KIAA1217: variants seen among roughly 807,000 people sequenced by gnomAD.
The protein encoded by KIAA1217 is KIAA1217, also known as sickle tail protein homolog.
KIAA1217 carries 88 observed loss-of-function variants against 163.9 expected under a neutral mutation model. The ratio of observed to expected loss-of-function variants is 0.54; its 90% CI spans 0.45 to 0.64. The LOEUF (loss-of-function observed/expected upper bound fraction) is 0.64, where lower values mean the gene tolerates loss of function less well. Ranked by LOEUF, KIAA1217 falls within the 30% of genes least tolerant of loss-of-function variation. The pLI is 0.00. For missense variants in KIAA1217, 2,372 were observed against 2,475.0 expected, an observed-to-expected ratio of 0.96 and a Z score of 0.88; for synonymous variants, 903 against 923.1, an observed-to-expected ratio of 0.98 and a Z score of 0.39.
chr10:24,287,040 G>A (rs1304225443), intron 2 of KIAA1217, among the ~76,000 whole-genome samples: 1 of 152,020 alleles, frequency 6.6e-6, no homozygotes, highest in African/African-American at 2.4e-5. Context: ...GTTCTCACTT[G>A]TTTTTTGTTT....
chr10:24,135,238 G>A (rs1388259110), intron 2 of KIAA1217, among the ~76,000 whole-genome samples: 2 of 152,216 alleles, frequency 1.3e-5, no homozygotes, highest in African/African-American at 4.8e-5. Context: ...CACCAGTGAT[G>A]GTCCCCGTCT....
intron 2 of KIAA1217, among the ~76,000 whole-genome samples, chr10:24,314,233 C>T (rs2043072248): frequency 6.6e-6 from 1 of 152,196 alleles, no homozygotes; most frequent in African/African-American, 2.4e-5. Context: ...GCTCTGTTTA[C>T]ATATTACAAA....
intron 2 of KIAA1217, among the ~76,000 whole-genome samples, chr10:24,081,280 G>C (rs2061529442): frequency 6.6e-6 from 1 of 152,188 alleles, no homozygotes; most frequent in African/African-American, 2.4e-5. Flanking sequence ...TATGAATAGA[G>C]ATGTCTTAAA....
chr10:24,265,836 G>A (rs1002882051), intron 2 of KIAA1217, among the ~76,000 whole-genome samples: 2 of 152,122 alleles, frequency 1.3e-5, no homozygotes, highest in Non-Finnish European at 2.9e-5. Context: ...AGTAAGAAAA[G>A]ATAAGGAATG....
chr10:23,796,340 C>CTTATTTAT (rs34347212), intron 1 of KIAA1217, among the ~76,000 whole-genome samples: 29,086 of 148,354 alleles, frequency 0.2, 3,106 homozygotes, highest in African/African-American at 0.24. Flanking sequence ...CGAGAGACTG[C>CTTATTTAT]TTATTTATTT....
intron 2 of KIAA1217, among the ~76,000 whole-genome samples, chr10:24,230,982 A>T (rs2071328003): frequency 6.6e-6 from 1 of 152,156 alleles, no homozygotes; most frequent in African/African-American, 2.4e-5. Flanking sequence ...CACCTCTCTG[A>T]TGGGGGATGA....
chr10:24,062,904 T>G (rs2060786563), intron 2 of KIAA1217, among the ~76,000 whole-genome samples: 1 of 134,978 alleles, frequency 7.4e-6, no homozygotes, highest in Non-Finnish European at 1.5e-5. Context: ...GATGAGCATT[T>G]TTTCATGTGT....
At chr10:24,013,933 T>C (rs1205812123) in intron 2 of KIAA1217, among the ~76,000 whole-genome samples, 1 of 152,148 alleles carries the variant, frequency 6.6e-6, no homozygotes, top group Non-Finnish European at 1.5e-5. Context: ...GACAGTGCTC[T>C]TAATTGTGGG....
At chr10:24,501,073 A>G (rs1025627938) in intron 8 of KIAA1217, among the ~76,000 whole-genome samples, 5 of 114,274 alleles carry the variant, frequency 4.4e-5, no homozygotes, top group Non-Finnish European at 8.9e-5. Context: ...TAAGAAAAGA[A>G]AAAAAAATTA....
In KIAA1217 at chr10:24,524,353, G is replaced by C. The variant is rs2297329; in HGVS notation, c.2487G>C (p.Thr829=). ...TCACTGATGGGCTCCTGAAAGGCACGGACGCAGCCCAAGCCGCACAGTACA... is the reference window on the plus strand; with the variant it reads ...TCACTGATGGGCTCCTGAAAGGCACCGACGCAGCCCAAGCCGCACAGTACA... ...RHVTDGLLKG[T]DAAQAAQYMA... is the part of the protein sequence containing the mutation. The change falls in exon 13 of 21, where the codon ACG becomes ACC. Residue 829 remains threonine, a synonymous_variant. Transcript: ENST00000376454. 0.054 allele frequency: 87,349 copies of C among 1,612,050 alleles called. 4,202 individuals are homozygous for C. Among genetic ancestry groups the C allele is most frequent in the African/African-American group, 0.24 (18,191 of 74,938 alleles).
At chr10:23,912,397 G>A (rs546662385) in intron 1 of KIAA1217, among the ~76,000 whole-genome samples, 11 of 115,572 alleles carry the variant, frequency 9.5e-5, no homozygotes, top group Non-Finnish European at 1.3e-4. Flanking sequence ...ATATAATTGC[G>A]TAGTGGTAAG....
chr10:23,989,889 C>G (rs1455371776), intron 1 of KIAA1217, among the ~76,000 whole-genome samples: 3 of 152,168 alleles, frequency 2.0e-5, no homozygotes, highest in Non-Finnish European at 4.4e-5. Context: ...TTTTGAGCCT[C>G]TTTTCTAGTC....
intron 2 of KIAA1217, among the ~76,000 whole-genome samples, chr10:24,053,207 G>A (rs1321747969): frequency 6.6e-6 from 1 of 152,046 alleles, no homozygotes; most frequent in Non-Finnish European, 1.5e-5. Flanking sequence ...CTATAAGTAA[G>A]TAAATAATCC....
intron 1 of KIAA1217, 77 bp downstream of exon 1, chr10:24,209,340 A>C: frequency 2.8e-6 from 3 of 1,055,846 alleles, no homozygotes; most frequent in East Asian, 2.5e-5. Flanking sequence ...TATAAACTGC[A>C]GCTCTGGGAC....
At chr10:23,701,755 G>T (rs1019740418) in intron 1 of KIAA1217, among the ~76,000 whole-genome samples, 1 of 152,154 alleles carries the variant, frequency 6.6e-6, no homozygotes, top group Admixed American at 6.5e-5. Flanking sequence ...GGGTTGATAG[G>T]ATATTTTCAC....
intron 2 of KIAA1217, among the ~76,000 whole-genome samples, chr10:24,226,817 G>T (rs1298402656): frequency 6.6e-6 from 1 of 152,130 alleles, no homozygotes; most frequent in Non-Finnish European, 1.5e-5. Context: ...ATCCCTCACA[G>T]TTGTGGTCAC....
intron 2 of KIAA1217, among the ~76,000 whole-genome samples, chr10:24,231,357 A>T (rs1590085249): frequency 6.6e-6 from 1 of 152,340 alleles, no homozygotes; most frequent in East Asian, 1.9e-4. Context: ...TTGCATACAT[A>T]GTGGTGAGTA....
chr10:23,760,568 A>G (rs1208134061), intron 1 of KIAA1217, among the ~76,000 whole-genome samples: 1 of 152,220 alleles, frequency 6.6e-6, no homozygotes, highest in Non-Finnish European at 1.5e-5. Flanking sequence ...TATTTTGCCA[A>G]TGCTAAGAAG....
intron 3 of KIAA1217, among the ~76,000 whole-genome samples, chr10:24,405,786 G>A (rs1556401): frequency 0.21 from 31,244 of 152,008 alleles, 4,249 homozygotes; most frequent in African/African-American, 0.38. Context: ...AAGTTAGAGC[G>A]GTAAGTGGTA....
Sources: gnomAD v4.1 joint callset for allele counts (sites outside exome capture counted in the v4.1 genomes callset) on GRCh38, gnomAD v4.1.1 for gene constraint, MANE v1.5 for transcripts, NCBI Gene and HGNC (gene_info 2026-07-23, HGNC 2026-07-21) for gene names.